The following PRKN variants were observed in gnomAD, a reference collection of about 807,000 sequenced individuals.
PRKN encodes the protein E3 ubiquitin-protein ligase parkin.
PRKN carries 56 observed loss-of-function variants against 59.5 expected under a neutral mutation model. The observed-to-expected ratio is 0.94, with a 90% CI of 0.76 to 1.18. The LOEUF is 1.18. Ranked by LOEUF, PRKN falls within the 50% of genes most tolerant of loss-of-function variation. The probability of loss-of-function intolerance (pLI) is 0.00; values close to 1 mark genes in which losing one functional copy is unlikely to be tolerated. For missense variants in PRKN, 657 were observed against 596.4 expected (o/e 1.10, Z -1.06); for synonymous variants, 250 against 222.1 (o/e 1.13, Z -1.12).
chr6:161,680,403 G>C (rs2128172117), intron 7 of PRKN, among the ~76,000 whole-genome samples: 1 of 152,186 alleles, frequency 6.6e-6, no homozygotes, highest in African/African-American at 2.4e-5. Context: ...GGCAGCGTGT[G>C]GTGGTGACAT....
intron 1 of PRKN, among the ~76,000 whole-genome samples, chr6:162,446,582 T>A (rs1002537770): frequency 2.0e-5 from 3 of 152,182 alleles, no homozygotes; most frequent in Non-Finnish European, 4.4e-5. Context: ...ATACTACGGA[T>A]ATGAATATTT....
In PRKN at chr6:162,472,457, CTTTTATTTTATTTTA is replaced by C. The variant is rs368175916; in HGVS notation, c.8-28999_8-28985del. ...TGAGAACATGCAGTCCAAACTCTAA[CTTTTATTTTATTTTA>C]TTTTATTTTATTTTATTTTATTTTT... On this transcript the variant is annotated intron_variant, in intron 1 of 11. Transcript: ENST00000366898. Among the ~76,000 whole-genome samples the C allele has an allele frequency of 8.1e-5, 10 of 123,568 alleles. 1 individual carries two copies. The highest frequency in any genetic ancestry group is 2.8e-4 in the South Asian group (1 of 3,626). The allele number at this position is 123,568 out of a possible 152,430, so 81.1% of individuals were successfully genotyped here.
chr6:161,680,771 ATATAT>A (rs1188768686), intron 7 of PRKN, among the ~76,000 whole-genome samples: 2 of 18,068 alleles, frequency 1.1e-4, no homozygotes, highest in African/African-American at 1.6e-4. Context: ...ATATATATAT[ATATAT>A]TTTTTTTTTT....
At chr6:162,345,162 T>C (rs1345219575) in intron 2 of PRKN, among the ~76,000 whole-genome samples, 1 of 152,166 alleles carries the variant, frequency 6.6e-6, no homozygotes, top group African/African-American at 2.4e-5. Context: ...TACAACACAA[T>C]TGCTCCTCAC....
At position 161,533,168 on chromosome 6, in the gene PRKN, T is replaced by C. The variant is rs990232801; in HGVS notation, c.1083+15686A>G. Among the ~76,000 whole-genome samples, 1 of 152,174 alleles carries C rather than the reference T, an allele frequency of 6.6e-6. No individual in the cohort carries two copies. The highest frequency in any genetic ancestry group is 1.5e-5 in the Non-Finnish European group (1 of 68,040). On this transcript the variant is annotated intron_variant, in intron 9 of 11. Transcript: ENST00000366898. This position sits in a 1 kb window ranked among gnomAD's most constrained non-coding sequence, Gnocchi z 4.1. ...CTAAAATAAAAGAATGATCTAAATC[T>C]TCCACATCCCTGAGGTATTAGTCTT...
chr6:161,563,333 C>T (rs897185180), intron 8 of PRKN, among the ~76,000 whole-genome samples: 2 of 152,146 alleles, frequency 1.3e-5, no homozygotes, highest in African/African-American at 4.8e-5. Context: ...AAGGTTATTT[C>T]CATAAAATTT....
At chr6:162,589,670 T>C (rs756976622) in intron 1 of PRKN, among the ~76,000 whole-genome samples, 5 of 152,218 alleles carry the variant, frequency 3.3e-5, no homozygotes, top group Non-Finnish European at 7.3e-5. Context: ...CAGATACTCA[T>C]AACAGCAACA....
chr6:162,536,721 T>C (rs1562365616), intron 1 of PRKN, among the ~76,000 whole-genome samples: 1 of 152,182 alleles, frequency 6.6e-6, no homozygotes, highest in Non-Finnish European at 1.5e-5. Flanking sequence ...GCTTGGTCCA[T>C]GACATTCATA....
At chr6:162,277,346 A>G (rs1256754855) in intron 2 of PRKN, among the ~76,000 whole-genome samples, 1 of 152,216 alleles carries the variant, frequency 6.6e-6, no homozygotes, top group Non-Finnish European at 1.5e-5. Context: ...TAACGACAAC[A>G]AAGTTTAACC....
intron 6 of PRKN, among the ~76,000 whole-genome samples, chr6:161,954,812 A>G (rs923624526): frequency 2.0e-5 from 3 of 152,188 alleles, no homozygotes; most frequent in Non-Finnish European, 4.4e-5. Flanking sequence ...AACCAGACTC[A>G]GCCTCTCCTT....
chr6:161,814,425 A>G (rs914057882), intron 6 of PRKN, among the ~76,000 whole-genome samples: 6 of 152,226 alleles, frequency 3.9e-5, no homozygotes, highest in African/African-American at 1.4e-4. Context: ...AGGCCTCACA[A>G]TTATAGCAGA....
intron 6 of PRKN, among the ~76,000 whole-genome samples, chr6:161,880,325 C>T (rs1011782508): frequency 2.6e-5 from 4 of 152,088 alleles, no homozygotes; most frequent in Non-Finnish European, 5.9e-5. Context: ...TCTGGTCATC[C>T]TCACATAATT....
intron 9 of PRKN, among the ~76,000 whole-genome samples, chr6:161,404,646 A>G (rs1029291642): frequency 5.3e-5 from 8 of 152,324 alleles, no homozygotes; most frequent in African/African-American, 1.2e-4. Flanking sequence ...GTAAGAATTC[A>G]TTTCTATGGC....
In PRKN at chr6:161,497,098, G is replaced by A. The variant is rs534907737; in HGVS notation, c.1083+51756C>T. Among the ~76,000 whole-genome samples the A allele has an allele frequency of 2.6e-5, 4 of 152,348 alleles. No homozygotes were observed. The highest frequency in any genetic ancestry group is 7.2e-5 in the African/African-American group (3 of 41,580). ...TGGCATGCCCGTTCCTCCTGGCTAC[G>A]ACTCCACAGCCTGTTCCCAGGGGTC... is the stretch of plus-strand genomic sequence containing the variant. On this transcript the variant is annotated intron_variant, in intron 9 of 11. Coordinates refer to ENST00000366898, the MANE Select transcript of PRKN (RefSeq NM_004562.3). The surrounding 1 kb of genome is among the most constrained non-coding windows in gnomAD (Gnocchi z 4.6).
In PRKN at chr6:162,153,201, G is replaced by T. The variant is rs866464848; in HGVS notation, c.534+47930C>A. On this transcript the variant is annotated intron_variant, in intron 4 of 11. Transcript: ENST00000366898. ...CTAAACCCCTCACAGGAGGGAGCGT[G>T]CAAGTGAGTGCAGGAACAAGCCTGC... 1.2e-4 allele frequency among the ~76,000 whole-genome samples: 19 copies of T among 152,348 alleles called. No homozygotes were observed. In the Middle Eastern group the frequency reaches 0.01, roughly 82 times the overall value.
chr6:161,811,615 G>C lies in PRKN; in HGVS notation c.735-25707C>G, dbSNP rs181019568. ...ATTGACCAAGGATCTAAATGAAAGA[G>C]CTATTACTTTAAATCTTCTAGAAGG... is the stretch of plus-strand genomic sequence containing the variant. On this transcript the variant is annotated intron_variant, in intron 6 of 11. Coordinates refer to ENST00000366898, the MANE Select transcript of PRKN (RefSeq NM_004562.3). 2.0e-3 allele frequency among the ~76,000 whole-genome samples: 298 copies of C among 152,250 alleles called. 1 individual carries two copies. Among genetic ancestry groups the C allele is most frequent in the Non-Finnish European group, 3.3e-3 (224 of 68,020 alleles).
At position 161,704,492 on chromosome 6, in the gene PRKN, C is replaced by T. The variant is rs189232420; in HGVS notation, c.871+81280G>A. Among the ~76,000 whole-genome samples the T allele has an allele frequency of 1.4e-4, 22 of 152,258 alleles. 1 individual carries two copies. The East Asian group carries it at 3.3e-3, about 23-fold the overall frequency. On this transcript the variant is annotated intron_variant, in intron 7 of 11. Transcript: ENST00000366898. ...CTTGGTTTTTCTTCTTTATCTCACC[C>T]GCTGAATCTGGTTACTCTGGGATTC...
rs1216134939 is a variant in PRKN, at chr6:161,554,658, A to G, written c.934-5655T>C. On this transcript the variant is annotated intron_variant, in intron 8 of 11. Coordinates refer to ENST00000366898, the MANE Select transcript of PRKN (RefSeq NM_004562.3). The surrounding 1 kb of genome is among the most constrained non-coding windows in gnomAD (Gnocchi z 4.5). ...ACATAAAAAGAATATATGGAATTAT[A>G]GTTTCTTACAGTATACATATAAGGA... is the stretch of plus-strand genomic sequence containing the variant. Among the ~76,000 whole-genome samples, 1 of 151,712 alleles carries G rather than the reference A, an allele frequency of 6.6e-6. No homozygotes were observed. The highest frequency in any genetic ancestry group is 1.5e-5 in the Non-Finnish European group (1 of 67,952).
intron 6 of PRKN, among the ~76,000 whole-genome samples, chr6:161,796,643 T>A (rs370816169): frequency 1.3e-5 from 2 of 152,212 alleles, no homozygotes; most frequent in Admixed American, 6.5e-5. Flanking sequence ...TTATGTTTTT[T>A]CAAGGATGCT....
Sources: gnomAD v4.1 joint callset for allele counts (sites outside exome capture counted in the v4.1 genomes callset) on GRCh38, gnomAD v4.1.1 for gene constraint, Gnocchi (gnomAD v3.1) non-coding constraint, MANE v1.5 for transcripts, NCBI Gene and HGNC (gene_info 2026-07-23, HGNC 2026-07-21) for gene names.